The following CLTCL1 variants were observed in gnomAD, a reference collection of about 807,000 sequenced individuals.
CLTCL1 encodes clathrin heavy chain 2.
In CLTCL1, 159 loss-of-function variants were observed where a neutral mutation model predicts 190.0. The observed-to-expected ratio is 0.84, with a 90% confidence interval of 0.74 to 0.95. The LOEUF (loss-of-function observed/expected upper bound fraction) is 0.95, where lower values mean the gene tolerates loss of function less well. CLTCL1 is among the 40% of genes least tolerant of loss of function. The pLI is 0.00. For synonymous variants in CLTCL1, 752 were observed against 769.6 expected (o/e 0.98, Z 0.38); for missense variants, 1,878 against 2,033.4 (o/e 0.92, Z 1.47).
chr22:19,200,371 G>A (rs1166000188), intron 23 of CLTCL1, among the ~76,000 whole-genome samples: 1 of 152,154 alleles, frequency 6.6e-6, no homozygotes, highest in African/African-American at 2.4e-5. Flanking sequence ...TTGGCCCACT[G>A]TTTCCTATGT....
In CLTCL1 at chr22:19,198,419, C is replaced by A. The variant is rs1442945288; in HGVS notation, c.3873+1315G>T. Among the ~76,000 whole-genome samples, 1 of 152,218 alleles carries A rather than the reference C, an allele frequency of 6.6e-6. No homozygotes were observed. The highest frequency in any genetic ancestry group is 1.5e-5 in the Non-Finnish European group (1 of 68,042). The stretch of plus-strand genomic sequence containing the variant: ...GCCACCATGATCCTTTTACCCCCGA[C>A]AGCCCTGCACCCATCCCAAGTACAG... On this transcript the variant is annotated intron_variant, in intron 24 of 32. Transcript: ENST00000427926. The surrounding 1 kb of genome is among the most constrained non-coding windows in gnomAD (Gnocchi z 4.1).
At position 19,291,612 on chromosome 22, in the gene CLTCL1, C is replaced by A; in HGVS notation, c.30G>T (p.Gln10His). Residue 10 changes from glutamine to histidine, a missense_variant, in exon 1 of 33, where the codon CAG (glutamine) becomes CAT (histidine). Transcript: ENST00000427926. ...CGCCGGGCCTCACCTGGAAGTGCTCCTGAAAGCGAACAGGGAGGATCTGCG... is the reference window on the plus strand; with the variant it reads ...CGCCGGGCCTCACCTGGAAGTGCTCATGAAAGCGAACAGGGAGGATCTGCG... MAQILPVRF[Q>H]EHFQLQNLGI... is the part of the protein sequence containing the mutation. 1 of 1,401,806 alleles carries A rather than the reference C, an allele frequency of 7.1e-7. No individual in the cohort carries two copies. Among genetic ancestry groups the A allele is most frequent in the Non-Finnish European group, 9.4e-7 (1 of 1,064,224 alleles). 86.8% of individuals were successfully genotyped at this position (1,401,806 alleles called of 1,614,324 possible). A position where few individuals can be genotyped will look rare whatever the true frequency, so the allele number is the denominator to read the frequency against.
intron 26 of CLTCL1, among the ~76,000 whole-genome samples, 171 bp from the exon 27 acceptor site, chr22:19,191,606 C>T (rs533711108): frequency 3.6e-4 from 55 of 152,282 alleles, no homozygotes; most frequent in African/African-American, 1.3e-3. Flanking sequence ...GTATTTTGTC[C>T]CCCAGCACTG....
intron 24 of CLTCL1, among the ~76,000 whole-genome samples, chr22:19,199,107 A>G (rs1042228477): frequency 1.8e-4 from 27 of 152,178 alleles, no homozygotes; most frequent in African/African-American, 6.0e-4. Context: ...CCATGGTGAC[A>G]CTGCTGAGCA....
chr22:19,262,015 AATTATTT>A lies in CLTCL1; in HGVS notation c.251-7795_251-7789del, dbSNP rs1447806919. ...AAACCTCACTGATGTCTTTTTTTAAAATTATTTATTATTTATTTATTTGTTTTTTGAG... is the reference window on the plus strand; with the variant it reads ...AAACCTCACTGATGTCTTTTTTTAAAATTATTTATTTATTTGTTTTTTGAG... On this transcript the variant is annotated intron_variant, in intron 2 of 32. Transcript: ENST00000427926. Among the ~76,000 whole-genome samples the A allele has an allele frequency of 2.6e-5, 4 of 151,818 alleles. No homozygotes were observed. The East Asian group carries it at 7.8e-4, about 29-fold the overall frequency.
Position 19,229,819 on chromosome 22 carries a change from T to C in CLTCL1, c.1782+19A>G, listed in dbSNP as rs1555957862. 1 of 1,589,392 alleles carries C rather than the reference T, an allele frequency of 6.3e-7. No homozygotes were observed. Among genetic ancestry groups the C allele is most frequent in the Non-Finnish European group, 8.5e-7 (1 of 1,171,126 alleles). On this transcript the variant is annotated intron_variant, in intron 11 of 32. Transcript: ENST00000427926. ...CCACAGGTGCTCTGCCTCTCGGTGT[T>C]AGCCTACAAGTCACTGACCTGGGGT...
At chr22:19,258,891 T>A (rs1274523622) in intron 2 of CLTCL1, 1 of 441,582 alleles carries the variant, frequency 2.3e-6, no homozygotes, top group Non-Finnish European at 4.1e-6. Flanking sequence ...ATTAAAATCA[T>A]AAAATGTTTA....
intron 2 of CLTCL1, among the ~76,000 whole-genome samples, chr22:19,274,565 A>G (rs2087432280): frequency 6.6e-6 from 1 of 152,172 alleles, no homozygotes; most frequent in African/African-American, 2.4e-5. Context: ...AAAGAATTTC[A>G]GTTATTTCTT....
chr22:19,208,030 TG>T, intron 22 of CLTCL1, 123 bp downstream of exon 22: 1 of 1,154,430 alleles, frequency 8.7e-7, no homozygotes, highest in Non-Finnish European at 1.3e-6. Flanking sequence ...GACCTGTCTG[TG>T]GAAAAACTGT....
At chr22:19,202,440 G>GT (rs2084920173) in intron 22 of CLTCL1, among the ~76,000 whole-genome samples, 1 of 147,714 alleles carries the variant, frequency 6.8e-6, no homozygotes, top group Non-Finnish European at 1.5e-5. Flanking sequence ...CCCTCCTTCC[G>GT]CCATCCACGG....
chr22:19,239,305 C>T lies in CLTCL1; in HGVS notation c.765G>A (p.Glu255=), dbSNP rs1034536161. The stretch of plus-strand genomic sequence containing the variant: ...TAGCCACTGGAAAATCATTCTGTGC[C>T]TCTGGAGGAAAAAACACATCTACTG... The part of the protein sequence containing the change: ...KKAVDVFFPP[E]AQNDFPVAMQ... The change falls in exon 5 of 33, where the codon GAG becomes GAA. Residue 255 remains glutamate, a synonymous_variant. Transcript: ENST00000427926. 2.5e-6 allele frequency: 4 copies of T among 1,613,858 alleles called. No individual in the cohort carries two copies. Among genetic ancestry groups the T allele is most frequent in the Admixed American group, 1.7e-5 (1 of 59,998 alleles).
chr22:19,194,709 G>C (rs1403418141), intron 26 of CLTCL1, among the ~76,000 whole-genome samples: 1 of 152,216 alleles, frequency 6.6e-6, no homozygotes, highest in Non-Finnish European at 1.5e-5. Context: ...CATGGAGAGA[G>C]ACAGTGAATG....
At chr22:19,291,475 G>T in intron 1 of CLTCL1, 125 bp downstream of exon 1, 1 of 940,128 alleles carries the variant, frequency 1.1e-6, no homozygotes, top group Non-Finnish European at 1.4e-6. Context: ...CAGGTGGGAG[G>T]TCGGAAATCG....
chr22:19,197,149 GGTTAC>G (rs1569158181), intron 24 of CLTCL1, among the ~76,000 whole-genome samples: 1 of 152,126 alleles, frequency 6.6e-6, no homozygotes, highest in Non-Finnish European at 1.5e-5. Flanking sequence ...CCAGACGTCT[GGTTAC>G]AGCCTGCTCA....
intron 1 of CLTCL1, among the ~76,000 whole-genome samples, chr22:19,281,621 G>C (rs1555986758): frequency 6.6e-6 from 1 of 152,170 alleles, no homozygotes; most frequent in East Asian, 1.9e-4. Flanking sequence ...CTACCTATCT[G>C]GATTTTCCGG....
chr22:19,230,295 G>A (rs2085881600), intron 10 of CLTCL1, among the ~76,000 whole-genome samples: 1 of 151,964 alleles, frequency 6.6e-6, no homozygotes, highest in South Asian at 2.1e-4. Flanking sequence ...GTAGAGACAC[G>A]GTTTCACCAT....
chr22:19,185,326 C>CTTTT (rs58151537), intron 29 of CLTCL1, among the ~76,000 whole-genome samples: 4 of 143,882 alleles, frequency 2.8e-5, no homozygotes, highest in Non-Finnish European at 4.6e-5. Context: ...CGGCCACTTT[C>CTTTT]TTTTTTTTTT....
chr22:19,258,720 C>T (rs1601673030), intron 2 of CLTCL1: 1 of 689,412 alleles, frequency 1.5e-6, no homozygotes, highest in Non-Finnish European at 2.7e-6. Flanking sequence ...CAACTCCATG[C>T]AAACCATCCA....
At chr22:19,222,209 G>A (rs782266031) in intron 15 of CLTCL1, 116 bp from the exon 16 acceptor site, 12 of 1,010,520 alleles carry the variant, frequency 1.2e-5, no homozygotes, top group African/African-American at 1.6e-5. Flanking sequence ...TTAGCACTGC[G>A]CTGTGTCCCA....
Sources: allele counts gnomAD v4.1 joint callset (sites outside exome capture counted in the v4.1 genomes callset), GRCh38; gene constraint gnomAD v4.1.1; non-coding constraint Gnocchi (gnomAD v3.1); transcripts MANE v1.5; gene names NCBI Gene and HGNC (gene_info 2026-07-23, HGNC 2026-07-21).